Variants in GALNT2 observed in about 807,000 individuals in gnomAD.
GALNT2 encodes UDP-GalNAc:polypeptide N-acetylgalactosaminyltransferase 2.
GALNT2 carries 31 observed loss-of-function variants against 81.4 expected under a neutral mutation model. The observed-to-expected ratio is 0.38, with a 90% CI of 0.29 to 0.51. The LOEUF (loss-of-function observed/expected upper bound fraction) is 0.51. GALNT2 is among the 20% of genes least tolerant of loss of function. GALNT2 has a pLI of 0.87. For missense variants in GALNT2, 629 were observed against 765.7 expected, an observed-to-expected ratio of 0.82 and a Z score of 2.11; for synonymous variants, 303 against 287.4, an observed-to-expected ratio of 1.05 and a Z score of -0.55.
At chr1:230,165,723 G>A (rs116181353) in intron 1 of GALNT2, among the ~76,000 whole-genome samples, 24 of 152,342 alleles carry the variant, frequency 1.6e-4, no homozygotes, top group African/African-American at 2.6e-4. Flanking sequence ...CCAGAGGTAG[G>A]GGATCTCACA....
chr1:230,274,573 T>G lies in GALNT2; in HGVS notation c.1560+9T>G. On this transcript the variant is annotated intron_variant, in intron 15 of 15. Transcript: ENST00000366672. ...AAAATGACAGCAGACAGGTACGGCT[T>G]GCAGGCACCCGTGGGTGCCCGTGAT... 6.2e-7 allele frequency: 1 copy of G among 1,613,558 alleles called. No individual in the cohort carries two copies. Among genetic ancestry groups the G allele is most frequent in the East Asian group, 2.2e-5 (1 of 44,882 alleles).
In GALNT2 at chr1:230,243,972, A is replaced by T. The variant is rs1381619815; in HGVS notation, c.729+545A>T. On this transcript the variant is annotated intron_variant, in intron 7 of 15. Coordinates refer to ENST00000366672, the MANE Select transcript of GALNT2 (RefSeq NM_004481.5). This position sits in a 1 kb window ranked among gnomAD's most constrained non-coding sequence, Gnocchi z 4.2. ...TTGTCAGAGGGTGATCCGCGGCTCCACTTCTGCACCTTCTGCTTTCTAGAA... is the reference window on the plus strand; with the variant it reads ...TTGTCAGAGGGTGATCCGCGGCTCCTCTTCTGCACCTTCTGCTTTCTAGAA... Among the ~76,000 whole-genome samples, 9 of 151,950 alleles carry T rather than the reference A, an allele frequency of 5.9e-5. No homozygotes were observed. The highest frequency in any genetic ancestry group is 7.4e-5 in the Non-Finnish European group (5 of 68,006).
At chr1:230,272,002 T>A (rs1666172366) in intron 14 of GALNT2, among the ~76,000 whole-genome samples, 1 of 152,126 alleles carries the variant, frequency 6.6e-6, no homozygotes, top group African/African-American at 2.4e-5. Context: ...GACACTCCCA[T>A]CACCCAATAA....
In GALNT2 at chr1:230,243,481, G is replaced by A; in HGVS notation, c.729+54G>A. 6.3e-7 allele frequency: 1 copy of A among 1,597,482 alleles called. No individual in the cohort carries two copies. Among genetic ancestry groups the A allele is most frequent in the Non-Finnish European group, 8.5e-7 (1 of 1,176,820 alleles). On this transcript the variant is annotated intron_variant, in intron 7 of 15. Coordinates refer to ENST00000366672, the MANE Select transcript of GALNT2 (RefSeq NM_004481.5). This position sits in a 1 kb window ranked among gnomAD's most constrained non-coding sequence, Gnocchi z 4.2. ...CAGGTCGTGGGTGGTTGGTAGAGGG[G>A]ACAGAAGGGAGCATGGTCCAGGGGA...
At chr1:230,117,325 A>G (rs929094491) in intron 1 of GALNT2, among the ~76,000 whole-genome samples, 3 of 152,270 alleles carry the variant, frequency 2.0e-5, no homozygotes, top group South Asian at 2.1e-4. Flanking sequence ...CGTATCAGCA[A>G]TAAGGCTGTT....
intron 1 of GALNT2, among the ~76,000 whole-genome samples, chr1:230,058,526 C>T (rs537711338): frequency 6.6e-6 from 1 of 152,312 alleles, no homozygotes; most frequent in Admixed American, 6.5e-5. Context: ...CTCTGCTACT[C>T]GCTGAGCTGC....
intron 1 of GALNT2, among the ~76,000 whole-genome samples, chr1:230,114,606 C>T (rs1449725913): frequency 6.6e-6 from 1 of 152,180 alleles, no homozygotes; most frequent in African/African-American, 2.4e-5. Flanking sequence ...ATTCCCTTGA[C>T]CTCGTAAGTC....
intron 2 of GALNT2, among the ~76,000 whole-genome samples, chr1:230,200,663 C>T (rs1663863576): frequency 1.3e-5 from 2 of 152,320 alleles, no homozygotes; most frequent in Non-Finnish European, 2.9e-5. Context: ...GTGCAGAGGC[C>T]TTATCCCATG....
Position 230,257,922 on chromosome 1 carries a change from GT to G in GALNT2, c.1136+2585del, listed in dbSNP as rs2102755671. On this transcript the variant is annotated intron_variant, in intron 11 of 15. Coordinates refer to ENST00000366672, the MANE Select transcript of GALNT2 (RefSeq NM_004481.5). This position sits in a 1 kb window ranked among gnomAD's most constrained non-coding sequence, Gnocchi z 4.6. ...GGATTGCTAGCTTATCTTTTGTCTAGTTTTTTTCTTGAGACAGAGTCTTGCT... is the reference window on the plus strand; with the variant it reads ...GGATTGCTAGCTTATCTTTTGTCTAGTTTTTTCTTGAGACAGAGTCTTGCT... 6.6e-6 allele frequency among the ~76,000 whole-genome samples: 1 copy of G among 152,200 alleles called. No individual in the cohort carries two copies. The highest frequency in any genetic ancestry group is 2.1e-4 in the South Asian group (1 of 4,820).
chr1:230,065,997 T>C (rs528144064), upstream of GALNT2, among the ~76,000 whole-genome samples: 1 of 152,376 alleles, frequency 6.6e-6, no homozygotes, highest in South Asian at 2.1e-4. Flanking sequence ...GTGACAACCC[T>C]GTACTTCACT....
At position 230,107,641 on chromosome 1, in the gene GALNT2, T is replaced by G. The variant is rs570779167; in HGVS notation, c.126+40235T>G. Among the ~76,000 whole-genome samples the G allele has an allele frequency of 1.8e-4, 27 of 151,104 alleles. No individual in the cohort carries two copies. In the South Asian group the frequency reaches 5.2e-3, roughly 29 times the overall value. ...GTGTGTGTGTGTGTGTGTGTGTGTG[T>G]GTGGTTGGTTGGTTGGTTTAAGCCA... On this transcript the variant is annotated intron_variant, in intron 1 of 15. Coordinates refer to ENST00000366672, the MANE Select transcript of GALNT2 (RefSeq NM_004481.5).
intron 2 of GALNT2, among the ~76,000 whole-genome samples, chr1:230,198,395 A>C (rs1263302732): frequency 1.4e-5 from 2 of 138,674 alleles, no homozygotes; most frequent in Non-Finnish European, 3.1e-5. Flanking sequence ...TGGCAGGGGC[A>C]GGACAGCAGC....
chr1:230,124,790 C>T (rs1661123435), intron 1 of GALNT2, among the ~76,000 whole-genome samples: 1 of 152,170 alleles, frequency 6.6e-6, no homozygotes, highest in South Asian at 2.1e-4. Flanking sequence ...GTGATGGTCC[C>T]ACCTGCATTA....
chr1:230,207,957 C>T lies in GALNT2; in HGVS notation c.374+4667C>T, dbSNP rs4846929. Among the ~76,000 whole-genome samples, 156 of 152,078 alleles carry T rather than the reference C, an allele frequency of 1.0e-3. 1 individual carries two copies. The highest frequency in any genetic ancestry group is 1.4e-3 in the Non-Finnish European group (96 of 68,000). On this transcript the variant is annotated intron_variant, in intron 3 of 15. Transcript: ENST00000366672. Reference sequence around the variant, plus strand: ...ATATCATAGTTGTTATCTATCTTGGCGGTACATGTGAGATTTTGATACCTG... The same window carrying T: ...ATATCATAGTTGTTATCTATCTTGGTGGTACATGTGAGATTTTGATACCTG...
At chr1:230,174,723 C>G (rs1340723723) in intron 1 of GALNT2, among the ~76,000 whole-genome samples, 1 of 152,134 alleles carries the variant, frequency 6.6e-6, no homozygotes, top group Non-Finnish European at 1.5e-5. Flanking sequence ...ACTGAAATGG[C>G]CTCCTGGGCT....
chr1:230,163,484 T>C lies in GALNT2; in HGVS notation c.127-14734T>C, dbSNP rs144581278. On this transcript the variant is annotated intron_variant, in intron 1 of 15. Coordinates refer to ENST00000366672, the MANE Select transcript of GALNT2 (RefSeq NM_004481.5). ...GTAACTTCTCAGGCGGTTGTGTGGC[T>C]CTGGGCTCAGTTTTTGTTGAGAGCC... 7.6e-4 allele frequency among the ~76,000 whole-genome samples: 116 copies of C among 152,358 alleles called. 2 individuals carry two copies. The East Asian group carries it at 0.018, about 24-fold the overall frequency.
chr1:230,200,523 G>T (rs575617736), intron 2 of GALNT2, among the ~76,000 whole-genome samples: 56 of 152,342 alleles, frequency 3.7e-4, no homozygotes, highest in African/African-American at 1.3e-3. Flanking sequence ...GGTCTGAGCT[G>T]CCCTGTGAAT....
chr1:230,153,689 T>C (rs1445519623), intron 1 of GALNT2, among the ~76,000 whole-genome samples: 1 of 152,168 alleles, frequency 6.6e-6, no homozygotes, highest in Non-Finnish European at 1.5e-5. Context: ...AGGTCTCAGT[T>C]GTGAAAAGTT....
intron 1 of GALNT2, among the ~76,000 whole-genome samples, chr1:230,120,964 C>T (rs185480743): frequency 2.7e-4 from 41 of 152,324 alleles, no homozygotes; most frequent in African/African-American, 9.4e-4. Flanking sequence ...AATTGGTTAA[C>T]TGTGGTTTAG....
Sources: gnomAD v4.1 joint callset for allele counts (sites outside exome capture counted in the v4.1 genomes callset) on GRCh38, gnomAD v4.1.1 for gene constraint, Gnocchi (gnomAD v3.1) non-coding constraint, MANE v1.5 for transcripts, NCBI Gene and HGNC (gene_info 2026-07-23, HGNC 2026-07-21) for gene names.